The following DPEP1 variants were observed in gnomAD, a reference collection of about 807,000 sequenced individuals.
The protein encoded by DPEP1 is dipeptidase 1, also known as beta-lactamase.
In DPEP1, 50 loss-of-function variants were observed where a neutral mutation model predicts 42.3. The ratio of observed to expected loss-of-function variants is 1.18; its 90% confidence interval spans 0.94 to 1.50. The LOEUF (loss-of-function observed/expected upper bound fraction) is 1.50. Ranked by LOEUF, DPEP1 falls within the 40% of genes most tolerant of loss-of-function variation. DPEP1 has a pLI of 0.00. For missense variants in DPEP1, 663 were observed against 553.0 expected (o/e 1.20, Z -1.99); for synonymous variants, 297 against 234.0 (o/e 1.27, Z -2.46).
intron 1 of DPEP1, among the ~76,000 whole-genome samples, chr16:89,617,311 A>T (rs1337276017): frequency 6.6e-6 from 1 of 152,100 alleles, no homozygotes; most frequent in Non-Finnish European, 1.5e-5. Context: ...GCAGGCACCA[A>T]GGCCCAGGGC....
Position 89,638,376 on chromosome 16 carries a change from G to T in DPEP1, c.*154G>T. 1.4e-6 allele frequency: 2 copies of T among 1,423,152 alleles called. No individual in the cohort carries two copies. The highest frequency in any genetic ancestry group is 3.1e-5 in the South Asian group (2 of 64,248). The allele number at this position is 1,423,152 out of a possible 1,614,324, so 88.2% of individuals were successfully genotyped here. ...GGCTTACCTGGGGGGCAGGATGCCTGGGGACAGTTCAGGACACACACACAG... is the reference window on the plus strand; with the variant it reads ...GGCTTACCTGGGGGGCAGGATGCCTTGGGACAGTTCAGGACACACACACAG... On this transcript the variant is annotated 3_prime_UTR_variant, in exon 11 of 11. Transcript: ENST00000690203.
intron 2 of DPEP1, among the ~76,000 whole-genome samples, chr16:89,635,401 C>T (rs998503105): frequency 6.6e-6 from 1 of 152,160 alleles, no homozygotes; most frequent in South Asian, 2.1e-4. Context: ...AGCCTGTACT[C>T]GACACCCTGC....
At chr16:89,614,214 T>G (rs1413498805) in intron 1 of DPEP1, among the ~76,000 whole-genome samples, 2 of 152,098 alleles carry the variant, frequency 1.3e-5, no homozygotes, top group African/African-American at 4.8e-5. Context: ...GGATGAGGTC[T>G]GGACCCGCCA....
intron 1 of DPEP1, among the ~76,000 whole-genome samples, chr16:89,626,257 G>A (rs1396332775): frequency 1.3e-5 from 2 of 152,172 alleles, no homozygotes; most frequent in Non-Finnish European, 2.9e-5. Flanking sequence ...GGAGAGACCC[G>A]CTGGAGGTGA....
intron 2 of DPEP1, among the ~76,000 whole-genome samples, chr16:89,635,477 C>T (rs1272031297): frequency 2.0e-5 from 3 of 152,220 alleles, no homozygotes; most frequent in African/African-American, 4.8e-5. Context: ...AGCCACCCAC[C>T]ATATTCCCCA....
intron 1 of DPEP1, among the ~76,000 whole-genome samples, chr16:89,614,750 G>C (rs774697483): frequency 5.4e-4 from 83 of 152,326 alleles, no homozygotes; most frequent in Admixed American, 1.2e-3. Context: ...AGCTGAGATC[G>C]TGCCACTGCA....
At position 89,614,652 on chromosome 16, in the gene DPEP1, G is replaced by C. The variant is rs576149848; in HGVS notation, c.-107+933G>C. Among the ~76,000 whole-genome samples, 648 of 152,272 alleles carry C rather than the reference G, an allele frequency of 4.3e-3. 5 individuals carry two copies. Among genetic ancestry groups the C allele is most frequent in the African/African-American group, 0.015 (618 of 41,562 alleles). On this transcript the variant is annotated intron_variant, in intron 1 of 10. Transcript: ENST00000690203. ...TAATAAAAAATACAAAAAATTAGCC[G>C]GGCGTGGTGGCGGGCGCCTGTAGTC...
At chr16:89,620,528 G>A (rs1366178453) in intron 1 of DPEP1, 1 of 152,288 alleles carries the variant, frequency 6.6e-6, no homozygotes, top group Non-Finnish European at 1.5e-5. Flanking sequence ...CCTCACTGAG[G>A]GCATGCGTAT....
intron 1 of DPEP1, among the ~76,000 whole-genome samples, chr16:89,615,422 C>T (rs9934933): frequency 0.036 from 5,434 of 152,302 alleles, 313 homozygotes; most frequent in African/African-American, 0.12. Flanking sequence ...GTGCGTACAT[C>T]CTGGCTCCAT....
chr16:89,637,003 A>C, intron 6 of DPEP1, 68 bp downstream of exon 6: 1 of 1,590,064 alleles, frequency 6.3e-7, no homozygotes, highest in Non-Finnish European at 8.6e-7. Context: ...TGACCAGAAC[A>C]ATGCATCTCC....
chr16:89,636,846 C>T lies in DPEP1; in HGVS notation c.522-20C>T, dbSNP rs370079618. ...GAGACCACCGCTCACCTCTTGGGCA[C>T]CTGCCTTTTGCTTCTCCAGGGCTGA... On this transcript the variant is annotated intron_variant, in intron 5 of 10. Transcript: ENST00000690203. The T allele has an allele frequency of 2.2e-5, 35 of 1,612,124 alleles. No individual in the cohort carries two copies. Among genetic ancestry groups the T allele is most frequent in the Middle Eastern group, 3.3e-4 (2 of 6,020 alleles).
At chr16:89,629,511 C>G (rs1034763319) in intron 1 of DPEP1, among the ~76,000 whole-genome samples, 1 of 8,136 alleles carries the variant, frequency 1.2e-4, no homozygotes, top group African/African-American at 1.1e-3. Flanking sequence ...CTCCCCCCAC[C>G]CCCCCCCGAA....
chr16:89,615,297 C>T (rs1284021827), intron 1 of DPEP1, among the ~76,000 whole-genome samples: 1 of 152,188 alleles, frequency 6.6e-6, no homozygotes, highest in Non-Finnish European at 1.5e-5. Flanking sequence ...GAGGGGTGGC[C>T]TCACAGGTCG....
chr16:89,636,616 G>A lies in DPEP1; in HGVS notation c.454G>A (p.Val152Ile), dbSNP rs368780168. 4.9e-5 allele frequency: 79 copies of A among 1,612,494 alleles called. No individual in the cohort carries two copies. Among genetic ancestry groups the A allele is most frequent in the Non-Finnish European group, 5.8e-5 (69 of 1,179,852 alleles). Reference protein sequence around the residue: ...GGHSIDSSLGVLRALYQLGMR... With the variant: ...GGHSIDSSLGILRALYQLGMR... The stretch of plus-strand genomic sequence containing the variant: ...CCACTCCATTGACAGCAGTTTGGGC[G>A]TCCTGCGGGCACTCTATCAGCTGGG... The change falls in exon 5 of 11, where the codon GTC becomes ATC. Residue 152 changes from valine (V) to isoleucine (I), a missense_variant. Physicochemically the swap from Val to Ile is conservative, Grantham distance 29. Transcript: ENST00000690203.
chr16:89,622,588 A>C (rs549785982), intron 1 of DPEP1, among the ~76,000 whole-genome samples: 1 of 152,142 alleles, frequency 6.6e-6, no homozygotes, highest in Admixed American at 6.5e-5. Context: ...GTTCAAGACC[A>C]TCCTGGCCAA....
At chr16:89,621,538 C>G (rs1459808690) in intron 1 of DPEP1, among the ~76,000 whole-genome samples, 1 of 152,190 alleles carries the variant, frequency 6.6e-6, no homozygotes, top group East Asian at 1.9e-4. Flanking sequence ...AGAGACAGGG[C>G]CGGGCTCCCC....
At chr16:89,613,426 C>T (rs2059349894), upstream of DPEP1, 1 of 152,410 alleles carries the variant, frequency 6.6e-6, no homozygotes, top group Admixed American at 6.5e-5. Context: ...GAGCCATCTC[C>T]TGGAGCAAAG....
chr16:89,633,253 G>C (rs1282919220), intron 2 of DPEP1, among the ~76,000 whole-genome samples: 1 of 152,222 alleles, frequency 6.6e-6, no homozygotes, highest in South Asian at 2.1e-4. Flanking sequence ...GCTGGGGAGA[G>C]GCCCGTGCCA....
downstream of DPEP1, among the ~76,000 whole-genome samples, chr16:89,640,105 G>C (rs1457124279): frequency 6.6e-6 from 1 of 152,200 alleles, no homozygotes; most frequent in Non-Finnish European, 1.5e-5. Context: ...CCCAGCACCA[G>C]GTCCTCCTAG....
Sources: allele counts gnomAD v4.1 joint callset (sites outside exome capture counted in the v4.1 genomes callset), GRCh38; gene constraint gnomAD v4.1.1; transcripts MANE v1.5; gene names NCBI Gene and HGNC (gene_info 2026-07-23, HGNC 2026-07-21).